GRM8: variants seen among roughly 807,000 people sequenced by gnomAD.
GRM8 encodes metabotropic glutamate receptor 8.
In GRM8, 47 loss-of-function variants were observed where a neutral mutation model predicts 87.2. The ratio of observed to expected loss-of-function variants is 0.54; its 90% confidence interval spans 0.43 to 0.69. The LOEUF is 0.69. Among genes scored for constraint, GRM8 ranks in the 30% least tolerant of loss-of-function variants. The probability of loss-of-function intolerance (pLI) is 0.00; values close to 1 mark genes in which losing one functional copy is unlikely to be tolerated. For synonymous variants in GRM8, 396 were observed against 404.5 expected (o/e 0.98, Z 0.25); for missense variants, 1,019 against 1,139.2 (o/e 0.89, Z 1.52).
intron 7 of GRM8, among the ~76,000 whole-genome samples, chr7:126,721,075 A>G (rs73226946): frequency 0.016 from 2,509 of 152,304 alleles, 44 homozygotes; most frequent in Admixed American, 0.031. Flanking sequence ...CTACACCCCA[A>G]TGGTATATAG....
chr7:126,543,597 A>G (rs1024421269), intron 8 of GRM8, among the ~76,000 whole-genome samples: 1 of 152,202 alleles, frequency 6.6e-6, no homozygotes, highest in Non-Finnish European at 1.5e-5. Flanking sequence ...GGGGCGTACA[A>G]GGGAATGACT....
chr7:126,718,092 C>T (rs142308749), intron 7 of GRM8, among the ~76,000 whole-genome samples: 20,694 of 151,720 alleles, frequency 0.14, 1,663 homozygotes, highest in Non-Finnish European at 0.15. Flanking sequence ...AAAAAATTAG[C>T]AGGGCGTGGT....
intron 2 of GRM8, among the ~76,000 whole-genome samples, chr7:127,138,571 A>G (rs1563537119): frequency 6.6e-6 from 1 of 152,090 alleles, no homozygotes; most frequent in Admixed American, 6.6e-5. Context: ...GAATGACTTG[A>G]GGTTTAATGG....
chr7:126,600,738 C>T (rs754837050), intron 8 of GRM8, among the ~76,000 whole-genome samples: 1 of 152,028 alleles, frequency 6.6e-6, no homozygotes, highest in Non-Finnish European at 1.5e-5. Flanking sequence ...TATGACTCTA[C>T]CAAATCATAT....
chr7:127,146,056 G>A (rs1299891795), intron 2 of GRM8, among the ~76,000 whole-genome samples: 3 of 151,988 alleles, frequency 2.0e-5, no homozygotes, highest in Admixed American at 6.6e-5. Flanking sequence ...GCCCTGAGAG[G>A]ATACTAAGAT....
intron 2 of GRM8, among the ~76,000 whole-genome samples, chr7:127,204,659 A>C (rs1478912415): frequency 1.3e-5 from 2 of 150,250 alleles, no homozygotes; most frequent in African/African-American, 5.0e-5. Context: ...TTACTGTCCA[A>C]ATTTTTTTTT....
chr7:126,816,926 A>C (rs866914610), intron 6 of GRM8, among the ~76,000 whole-genome samples: 66 of 152,186 alleles, frequency 4.3e-4, no homozygotes, highest in Middle Eastern at 3.4e-3. Flanking sequence ...TGTTTGAAGA[A>C]AATCCCAAAC....
chr7:126,439,146 A>C lies in GRM8; in HGVS notation c.2700T>G (p.Tyr900Ter). Residue 900 changes from tyrosine (Y) to a stop codon, truncating the protein, a stop_gained, in exon 11 of 11, where the codon TAT becomes TAG. Transcript: ENST00000339582. LOFTEE classifies it high-confidence loss of function. ...ETNTSSTKTT[Y>*]ISYSNHSI The stretch of plus-strand genomic sequence containing the variant: ...AGATTGAATGATTGCTGTAACTGAT[A>C]TATGTTGTCTTGGTAGAGGAAGCTG... The C allele has an allele frequency of 6.4e-7, 1 of 1,568,190 alleles. No individual in the cohort carries two copies. The highest frequency in any genetic ancestry group is 8.8e-7 in the Non-Finnish European group (1 of 1,138,490).
intron 7 of GRM8, among the ~76,000 whole-genome samples, chr7:126,743,387 G>A (rs1815238787): frequency 6.6e-6 from 1 of 152,098 alleles, no homozygotes; most frequent in Non-Finnish European, 1.5e-5. Flanking sequence ...TTCAGTGGAT[G>A]TGCTATTAAA....
chr7:126,928,825 G>A (rs566156266), intron 3 of GRM8, among the ~76,000 whole-genome samples: 4 of 152,166 alleles, frequency 2.6e-5, no homozygotes, highest in Non-Finnish European at 4.4e-5. Flanking sequence ...ATAATAATAG[G>A]AGGAACTACA....
intron 2 of GRM8, among the ~76,000 whole-genome samples, chr7:127,110,411 T>A (rs1485623094): frequency 6.6e-6 from 1 of 152,142 alleles, no homozygotes; most frequent in Non-Finnish European, 1.5e-5. Flanking sequence ...CTTTCTCATT[T>A]CCTTTCTTCT....
chr7:127,214,639 C>T (rs1266703503), intron 2 of GRM8, among the ~76,000 whole-genome samples: 1 of 152,074 alleles, frequency 6.6e-6, no homozygotes, highest in African/African-American at 2.4e-5. Context: ...AAGTGCCGCA[C>T]TTTTAAACAT....
At chr7:127,186,056 T>C (rs1794719942) in intron 2 of GRM8, among the ~76,000 whole-genome samples, 1 of 152,036 alleles carries the variant, frequency 6.6e-6, no homozygotes, top group Non-Finnish European at 1.5e-5. Context: ...AATAACAGTA[T>C]AAAACAAAAA....
At chr7:126,770,279 T>C (rs903212692) in intron 6 of GRM8, among the ~76,000 whole-genome samples, 1 of 152,160 alleles carries the variant, frequency 6.6e-6, no homozygotes, top group African/African-American at 2.4e-5. Context: ...AACAAAAAGA[T>C]ATAAAGTAAA....
intron 8 of GRM8, among the ~76,000 whole-genome samples, chr7:126,563,389 A>G (rs571043230): frequency 6.6e-6 from 1 of 152,108 alleles, no homozygotes; most frequent in Non-Finnish European, 1.5e-5. Flanking sequence ...AATGTTGAGT[A>G]GGATTTTTCC....
At chr7:126,606,431 G>A (rs1417432110) in intron 8 of GRM8, among the ~76,000 whole-genome samples, 1 of 152,128 alleles carries the variant, frequency 6.6e-6, no homozygotes, top group African/African-American at 2.4e-5. Flanking sequence ...TAAGGTGGGT[G>A]CTACTGTTTT....
At chr7:126,741,151 A>C (rs936950900) in intron 7 of GRM8, among the ~76,000 whole-genome samples, 3 of 151,896 alleles carry the variant, frequency 2.0e-5, no homozygotes, top group Non-Finnish European at 4.4e-5. Flanking sequence ...TTCTGGTCTG[A>C]CTCCACCAAA....
chr7:127,038,357 A>G (rs906014535), intron 3 of GRM8, among the ~76,000 whole-genome samples: 2 of 152,176 alleles, frequency 1.3e-5, no homozygotes, highest in African/African-American at 4.8e-5. Context: ...AGAGGAGAGG[A>G]TGGGCCAAAG....
intron 6 of GRM8, among the ~76,000 whole-genome samples, chr7:126,830,857 ATGG>A: frequency 6.6e-6 from 1 of 152,110 alleles, no homozygotes; most frequent in East Asian, 1.9e-4. Context: ...GTCTTTGATG[ATGG>A]TGATGTACAG....
Sources: gnomAD v4.1 joint callset for allele counts (sites outside exome capture counted in the v4.1 genomes callset) on GRCh38, gnomAD v4.1.1 for gene constraint, MANE v1.5 for transcripts, NCBI Gene and HGNC (gene_info 2026-07-23, HGNC 2026-07-21) for gene names.